The following GRM7 variants were observed in gnomAD, a reference collection of about 807,000 sequenced individuals.
GRM7 encodes the protein metabotropic glutamate receptor 7.
A neutral mutation model predicts 84.5 loss-of-function variants in GRM7; 35 were observed. That is an observed-to-expected ratio of 0.41 (90% CI 0.32 to 0.55). The LOEUF is 0.55. Ranked by LOEUF, GRM7 falls within the 20% of genes least tolerant of loss-of-function variation. GRM7 has a pLI of 0.19. For synonymous variants in GRM7, 487 were observed against 455.1 expected, an observed-to-expected ratio of 1.07 and a Z score of -0.89; for missense variants, 1,003 against 1,194.6, an observed-to-expected ratio of 0.84 and a Z score of 2.36.
intron 4 of GRM7, among the ~76,000 whole-genome samples, chr3:7,346,525 A>G (rs993290030): frequency 1.3e-5 from 2 of 152,148 alleles, no homozygotes; most frequent in Admixed American, 6.6e-5. Flanking sequence ...ATCATATTCC[A>G]GGGGGATGCA....
At chr3:7,577,155 T>C (rs1313540910) in intron 7 of GRM7, among the ~76,000 whole-genome samples, 1 of 152,220 alleles carries the variant, frequency 6.6e-6, no homozygotes, top group Non-Finnish European at 1.5e-5. Flanking sequence ...TGGGACATAA[T>C]GATGCCATCT....
chr3:7,428,983 T>G (rs1005661314), intron 5 of GRM7, among the ~76,000 whole-genome samples: 1 of 152,212 alleles, frequency 6.6e-6, no homozygotes, highest in Non-Finnish European at 1.5e-5. Flanking sequence ...CTCTTGCTTC[T>G]TCTTTTTGAG....
At chr3:7,690,725 G>C (rs1700768690) in intron 9 of GRM7, among the ~76,000 whole-genome samples, 1 of 152,162 alleles carries the variant, frequency 6.6e-6, no homozygotes, top group Non-Finnish European at 1.5e-5. Flanking sequence ...CACTGGACAT[G>C]GATCCTAAGG....
rs1429513207 is a variant in GRM7 at position 7,298,743 on chromosome 3, G to C, written c.796G>C (p.Asp266His). The change falls in exon 3 of 10, where the codon GAC (aspartate) becomes CAC (histidine). Residue 266 changes from aspartate (D) to histidine (H), a missense_variant. Asp to His is a moderately conservative substitution (Grantham distance 81, BLOSUM62 -1). Transcript: ENST00000357716. ...IPQERKDRTI[D>H]FDRIIKQLLD... ...CCAGGAACGCAAAGACAGGACCATT[G>C]ACTTTGATAGAATTATCAAACAGCT... 2 of 1,613,482 alleles carry C rather than the reference G, an allele frequency of 1.2e-6. No homozygotes were observed. The highest frequency in any genetic ancestry group is 1.7e-5 in the Admixed American group (1 of 59,998).
intron 3 of GRM7, 122 bp from the exon 4 acceptor site, chr3:7,306,375 GT>G: frequency 1.3e-6 from 1 of 759,718 alleles, no homozygotes; most frequent in Admixed American, 2.4e-5. Context: ...TCTTTATCAA[GT>G]TTTTTGCAAT....
intron 1 of GRM7, among the ~76,000 whole-genome samples, chr3:6,962,788 G>A (rs1426344656): frequency 6.6e-6 from 1 of 152,106 alleles, no homozygotes; most frequent in African/African-American, 2.4e-5. Context: ...AGTGAAGGAG[G>A]GGGACAGTTC....
At chr3:7,388,724 G>A (rs1047315016) in intron 4 of GRM7, among the ~76,000 whole-genome samples, 1 of 152,044 alleles carries the variant, frequency 6.6e-6, no homozygotes, top group African/African-American at 2.4e-5. Flanking sequence ...TGTGTACATA[G>A]AGATGTTCAT....
Position 7,441,151 on chromosome 3 carries a change from C to T in GRM7, c.1175-11456C>T, listed in dbSNP as rs1697269912. Among the ~76,000 whole-genome samples the T allele has an allele frequency of 2.6e-5, 4 of 152,002 alleles. No homozygotes were observed. In the South Asian group the frequency reaches 8.3e-4, roughly 32 times the overall value. On this transcript the variant is annotated intron_variant, in intron 5 of 9. Coordinates refer to ENST00000357716, the MANE Select transcript of GRM7 (RefSeq NM_000844.4). ...ATTCCTTTTTTTTCTGCAACCTCAC[C>T]AGCATCTGACCATTTAATAATAGCC...
intron 8 of GRM7, among the ~76,000 whole-genome samples, chr3:7,603,481 G>T (rs776916913): frequency 3.9e-5 from 6 of 152,128 alleles, no homozygotes; most frequent in Non-Finnish European, 8.8e-5. Flanking sequence ...GGATTTCCAA[G>T]GGTTATTGTT....
chr3:7,357,799 AC>A (rs989022687), intron 4 of GRM7, among the ~76,000 whole-genome samples: 8 of 152,220 alleles, frequency 5.3e-5, no homozygotes, highest in East Asian at 3.9e-4. Context: ...CTTCAAAAAA[AC>A]ATTTCTCTGT....
chr3:7,690,017 T>C (rs987124538), intron 9 of GRM7, among the ~76,000 whole-genome samples: 1 of 152,156 alleles, frequency 6.6e-6, no homozygotes, highest in Non-Finnish European at 1.5e-5. Flanking sequence ...GATGTTTTGC[T>C]TGAGTTGCTC....
intron 7 of GRM7, among the ~76,000 whole-genome samples, chr3:7,523,251 A>T (rs1396307859): frequency 1.3e-5 from 2 of 152,168 alleles, no homozygotes; most frequent in African/African-American, 2.4e-5. Context: ...GCCTTTCAAC[A>T]AAAAGATCAG....
chr3:7,214,338 T>A (rs892057349), intron 2 of GRM7, among the ~76,000 whole-genome samples: 5 of 152,194 alleles, frequency 3.3e-5, no homozygotes, highest in Non-Finnish European at 2.9e-5. Context: ...TCAACAAATG[T>A]TTATTGAGCC....
chr3:7,174,740 A>G (rs1181976198), intron 2 of GRM7, among the ~76,000 whole-genome samples: 4 of 152,268 alleles, frequency 2.6e-5, no homozygotes, highest in East Asian at 3.9e-4. Context: ...TTCATCTTCT[A>G]TGGGTGAAAA....
At chr3:7,536,432 T>A (rs812409) in intron 7 of GRM7, among the ~76,000 whole-genome samples, 76,186 of 151,996 alleles carry the variant, frequency 0.5, 20,135 homozygotes, top group African/African-American at 0.67. Flanking sequence ...TAAGGACTAA[T>A]TCTGGGGACA....
intron 1 of GRM7, among the ~76,000 whole-genome samples, chr3:6,921,186 C>A (rs575629575): frequency 6.6e-6 from 1 of 152,102 alleles, no homozygotes; most frequent in Non-Finnish European, 1.5e-5. Context: ...CAAAAGCTGC[C>A]GAGAGGCAAC....
At chr3:7,001,310 A>G (rs977824767) in intron 1 of GRM7, among the ~76,000 whole-genome samples, 3 of 152,116 alleles carry the variant, frequency 2.0e-5, no homozygotes, top group Non-Finnish European at 4.4e-5. Context: ...TGATTGTGCA[A>G]CTGCACTCCA....
intron 7 of GRM7, among the ~76,000 whole-genome samples, chr3:7,504,100 A>G (rs548962236): frequency 6.6e-6 from 1 of 152,216 alleles, no homozygotes; most frequent in African/African-American, 2.4e-5. Context: ...TATGAAAAAA[A>G]GTTGAGACTC....
intron 1 of GRM7, among the ~76,000 whole-genome samples, chr3:6,919,996 A>G (rs1415462443): frequency 1.3e-5 from 2 of 150,746 alleles, no homozygotes; most frequent in Non-Finnish European, 3.0e-5. Context: ...TACAATTTTT[A>G]TAAAGTTGAA....
Sources: gnomAD v4.1 joint callset for allele counts (sites outside exome capture counted in the v4.1 genomes callset) on GRCh38, gnomAD v4.1.1 for gene constraint, MANE v1.5 for transcripts, NCBI Gene and HGNC (gene_info 2026-07-23, HGNC 2026-07-21) for gene names.